The following CNBD1 variants were observed in gnomAD, a reference collection of about 807,000 sequenced individuals.
The protein encoded by CNBD1 is cyclic nucleotide binding domain containing 1, also known as cyclic nucleotide-binding domain-containing protein 1.
Under a neutral mutation model 54.4 loss-of-function variants are expected in CNBD1, and 71 were observed. That is an observed-to-expected ratio of 1.30 (90% CI 1.08 to 1.59). The LOEUF (loss-of-function observed/expected upper bound fraction) is 1.59. Ranked by LOEUF, CNBD1 falls within the 40% of genes most tolerant of loss-of-function variation. The pLI, the probability that CNBD1 is intolerant of heterozygous loss-of-function variation, is 0.00. For missense variants in CNBD1, 659 were observed against 518.0 expected (o/e 1.27, Z -2.64); for synonymous variants, 182 against 170.7 (o/e 1.07, Z -0.51).
At chr8:87,379,171 G>A (rs1304556362) in intron 10 of CNBD1, among the ~76,000 whole-genome samples, 2 of 151,702 alleles carry the variant, frequency 1.3e-5, no homozygotes, top group Non-Finnish European at 2.9e-5. Flanking sequence ...AATTGCCCTG[G>A]CCAGAAGTTC....
intron 2 of CNBD1, among the ~76,000 whole-genome samples, chr8:87,410,324 G>A (rs775724691): frequency 2.6e-5 from 4 of 152,132 alleles, no homozygotes; most frequent in Non-Finnish European, 4.4e-5. Context: ...AGCTCCCATA[G>A]ATAGTGATTC....
chr8:86,988,271 G>C lies in CNBD1; in HGVS notation c.431+48517G>C, dbSNP rs1051815961. The stretch of plus-strand genomic sequence containing the variant: ...TCCAGGAACTTATCTATTTCCACTA[G>C]GTTTTCTAATTTGCGTGCATTCAGT... On this transcript the variant is annotated intron_variant, in intron 4 of 10. Coordinates refer to ENST00000518476, the MANE Select transcript of CNBD1 (RefSeq NM_173538.3). Among the ~76,000 whole-genome samples, 13 of 151,414 alleles carry C rather than the reference G, an allele frequency of 8.6e-5. No individual in the cohort carries two copies. In the South Asian group the frequency reaches 2.3e-3, roughly 27 times the overall value.
rs1807679453 is a variant in CNBD1, at chr8:87,408,032, G to T, written c.214-20514G>T. ...GAATAGTATCTTTTTTGTCCTTTTA[G>T]AAATTTCTGTTCACTCCATTGTTTT... On this transcript the variant is annotated intron_variant, in intron 2 of 7. Coordinates refer to the CNBD1 transcript ENST00000521593. Among the ~76,000 whole-genome samples, 6 of 151,744 alleles carry T rather than the reference G, an allele frequency of 4.0e-5. 2 individuals carry two copies. In the South Asian group the frequency reaches 1.2e-3, roughly 31 times the overall value.
chr8:87,322,195 G>C (rs561400820), intron 8 of CNBD1, among the ~76,000 whole-genome samples: 2 of 122,212 alleles, frequency 1.6e-5, no homozygotes, highest in South Asian at 2.4e-4. Context: ...TCTTAATCCA[G>C]TCTATCATTG....
chr8:86,892,292 A>G (rs1270296846), intron 2 of CNBD1, among the ~76,000 whole-genome samples: 2 of 152,062 alleles, frequency 1.3e-5, no homozygotes, highest in Non-Finnish European at 2.9e-5. Context: ...ATAACCCATG[A>G]ACAGTTGGAT....
rs1810085991 is a variant in CNBD1 at position 87,342,531 on chromosome 8, TG to T, written c.1043-9149del. Among the ~76,000 whole-genome samples, 6 of 152,120 alleles carry T rather than the reference TG, an allele frequency of 3.9e-5. No homozygotes were observed. The South Asian group carries it at 8.3e-4, about 21-fold the overall frequency. The stretch of plus-strand genomic sequence containing the variant: ...TATGTATACATTTGAGAAAAACTAT[TG>T]GGGGAACCAGCCCCCAATATTTCAA... On this transcript the variant is annotated intron_variant, in intron 8 of 10. Coordinates refer to ENST00000518476, the MANE Select transcript of CNBD1 (RefSeq NM_173538.3).
chr8:86,955,972 T>A (rs1268371955), intron 4 of CNBD1, among the ~76,000 whole-genome samples: 1 of 152,220 alleles, frequency 6.6e-6, no homozygotes, highest in African/African-American at 2.4e-5. Context: ...AGGTCTAACA[T>A]GTAAGTCTTT....
intron 8 of CNBD1, among the ~76,000 whole-genome samples, chr8:87,307,108 C>T (rs999497138): frequency 2.0e-5 from 3 of 152,102 alleles, no homozygotes; most frequent in Non-Finnish European, 4.4e-5. Context: ...TTTTGCAACT[C>T]AATGTTTAGA....
chr8:86,931,172 G>A (rs1034182271), intron 3 of CNBD1, among the ~76,000 whole-genome samples: 9 of 152,164 alleles, frequency 5.9e-5, no homozygotes, highest in South Asian at 4.1e-4. Context: ...AGGCTGTCCC[G>A]GGATTCCTCA....
At chr8:86,984,775 A>C (rs1808567778) in intron 4 of CNBD1, among the ~76,000 whole-genome samples, 1 of 152,188 alleles carries the variant, frequency 6.6e-6, no homozygotes, top group Non-Finnish European at 1.5e-5. Context: ...CATTGTATCT[A>C]GGAAGTAACT....
chr8:87,227,783 G>T (rs1814539902), intron 5 of CNBD1, among the ~76,000 whole-genome samples: 1 of 149,790 alleles, frequency 6.7e-6, no homozygotes. Context: ...TCTGAACATT[G>T]GCCTGCCTTG....
At chr8:86,934,947 C>A (rs1809518743) in intron 3 of CNBD1, among the ~76,000 whole-genome samples, 1 of 152,038 alleles carries the variant, frequency 6.6e-6, no homozygotes, top group Admixed American at 6.6e-5. Flanking sequence ...GCTAGGCTGG[C>A]CTCATAAAAC....
At chr8:87,410,978 G>C (rs537118479) in intron 2 of CNBD1, among the ~76,000 whole-genome samples, 8 of 151,944 alleles carry the variant, frequency 5.3e-5, no homozygotes, top group Non-Finnish European at 1.2e-4. Flanking sequence ...ACATTTTTTA[G>C]ATATACTGCT....
Position 87,268,684 on chromosome 8 carries a change from G to A in CNBD1, c.772-15994G>A, listed in dbSNP as rs1808308642. 4.6e-5 allele frequency among the ~76,000 whole-genome samples: 7 copies of A among 152,074 alleles called. No homozygotes were observed. In the South Asian group the frequency reaches 1.4e-3, roughly 31 times the overall value. On this transcript the variant is annotated intron_variant, in intron 6 of 10. Transcript: ENST00000518476. ...TTTATTTGCATTTCTCTAATAATTA[G>A]TAATGAGCATTTTAAAATATATTCA...
At chr8:87,222,195 C>T (rs1814353842) in intron 5 of CNBD1, among the ~76,000 whole-genome samples, 1 of 151,872 alleles carries the variant, frequency 6.6e-6, no homozygotes, top group Non-Finnish European at 1.5e-5. Flanking sequence ...TATCTTATTC[C>T]TCAATAGACA....
At chr8:87,229,594 A>G (rs1016633219) in intron 5 of CNBD1, among the ~76,000 whole-genome samples, 3 of 152,100 alleles carry the variant, frequency 2.0e-5, no homozygotes, top group African/African-American at 7.2e-5. Flanking sequence ...TTTGAATTCT[A>G]TTTTGAGAAG....
intron 6 of CNBD1, among the ~76,000 whole-genome samples, chr8:87,256,008 TATATATA>T (rs1206078781): frequency 7.7e-4 from 16 of 20,762 alleles, no homozygotes; most frequent in African/African-American, 3.1e-3. Context: ...TATATATATA[TATATATA>T]TTTTTTTTTT....
At chr8:87,137,079 TTATA>T (rs1418349853) in intron 4 of CNBD1, among the ~76,000 whole-genome samples, 2 of 123,128 alleles carry the variant, frequency 1.6e-5, no homozygotes, top group East Asian at 2.2e-4. Flanking sequence ...TCTATGTAAA[TTATA>T]TATATTTATA....
intron 4 of CNBD1, among the ~76,000 whole-genome samples, chr8:87,078,564 A>C (rs962514756): frequency 6.6e-6 from 1 of 152,198 alleles, no homozygotes; most frequent in Non-Finnish European, 1.5e-5. Context: ...TTGATCCATT[A>C]CTTCCTTATC....
Sources: gnomAD v4.1 joint callset for allele counts (sites outside exome capture counted in the v4.1 genomes callset) on GRCh38, gnomAD v4.1.1 for gene constraint, MANE v1.5 for transcripts, NCBI Gene and HGNC (gene_info 2026-07-23, HGNC 2026-07-21) for gene names.